LCMT1: variants seen among roughly 807,000 people sequenced by gnomAD.
LCMT1 encodes [Phosphatase 2A protein]-leucine-carboxy methyltransferase 1.
Under a neutral mutation model 47.7 loss-of-function variants are expected in LCMT1, and 32 were observed. The observed-to-expected ratio is 0.67, with a 90% CI of 0.51 to 0.90. LCMT1 has a LOEUF of 0.90. Among genes scored for constraint, LCMT1 ranks in the 40% least tolerant of loss-of-function variants. LCMT1 has a pLI of 0.00. For missense variants in LCMT1, 375 were observed against 415.2 expected, an observed-to-expected ratio of 0.90 and a Z score of 0.84; for synonymous variants, 152 against 149.7, an observed-to-expected ratio of 1.02 and a Z score of -0.11.
Position 25,111,931 on chromosome 16 carries a change from C to G in LCMT1, c.48C>G (p.Thr16=). 1 of 1,613,670 alleles carries G rather than the reference C, an allele frequency of 6.2e-7. No individual in the cohort carries two copies. Among genetic ancestry groups the G allele is most frequent in the Non-Finnish European group, 8.5e-7 (1 of 1,179,780 alleles). ...CCTCTATCACCTCCTGCTGTTCCACCTCGAGCTGCGACGCAGACGACGAGG... is the reference window on the plus strand; with the variant it reads ...CCTCTATCACCTCCTGCTGTTCCACGTCGAGCTGCGACGCAGACGACGAGG... ...RESSITSCCS[T]SSCDADDEGV... Residue 16 remains threonine, a synonymous_variant, in exon 1 of 11, where the codon ACC becomes ACG. Coordinates refer to ENST00000399069, the MANE Select transcript of LCMT1 (RefSeq NM_016309.3).
chr16:25,133,687 G>T (rs1015754579), intron 3 of LCMT1, among the ~76,000 whole-genome samples: 1 of 148,178 alleles, frequency 6.7e-6, no homozygotes, highest in Admixed American at 6.7e-5. Context: ...GTGAGCCACC[G>T]TGCCTGGCCT....
At chr16:25,135,291 A>ATATG (rs1041685564) in intron 3 of LCMT1, among the ~76,000 whole-genome samples, 13 of 122,318 alleles carry the variant, frequency 1.1e-4, no homozygotes, top group African/African-American at 3.3e-4. Context: ...TAAAATATAT[A>ATATG]TCTATATATA....
chr16:25,137,395 C>CT (rs1433446263), intron 3 of LCMT1, among the ~76,000 whole-genome samples: 1 of 152,152 alleles, frequency 6.6e-6, no homozygotes, highest in Non-Finnish European at 1.5e-5. Context: ...GGCTATACCT[C>CT]TAAGTGTGAT....
chr16:25,165,605 C>T lies in LCMT1; in HGVS notation c.690+887C>T, dbSNP rs1343213178. On this transcript the variant is annotated intron_variant, in intron 7 of 10. Transcript: ENST00000399069. ...CACTCTCGGCTCACTGCAACCTCCG[C>T]CTCCTGGGTTCAAGCGATTCTCCTG... Among the ~76,000 whole-genome samples, 58 of 151,914 alleles carry T rather than the reference C, an allele frequency of 3.8e-4. 1 individual carries two copies. Among genetic ancestry groups the T allele is most frequent in the Admixed American group, 3.8e-3 (58 of 15,266 alleles).
chr16:25,136,824 C>A (rs926119683), intron 3 of LCMT1, among the ~76,000 whole-genome samples: 1 of 152,084 alleles, frequency 6.6e-6, no homozygotes, highest in South Asian at 2.1e-4. Flanking sequence ...CAGATGTGAG[C>A]CACCGCGCCC....
At chr16:25,135,751 G>A (rs187566931) in intron 3 of LCMT1, among the ~76,000 whole-genome samples, 22 of 152,072 alleles carry the variant, frequency 1.4e-4, no homozygotes, top group South Asian at 2.1e-4. Flanking sequence ...CCATCTGCTG[G>A]CAGTGAGCAG....
intron 1 of LCMT1, among the ~76,000 whole-genome samples, chr16:25,124,765 T>C (rs1395690477): frequency 6.6e-6 from 1 of 152,218 alleles, no homozygotes; most frequent in Non-Finnish European, 1.5e-5. Context: ...TAAATGCTTC[T>C]TGAATGAAGC....
At chr16:25,160,632 C>A in intron 5 of LCMT1, 1 of 440,212 alleles carries the variant, frequency 2.3e-6, no homozygotes, top group Non-Finnish European at 4.6e-6. Flanking sequence ...TGCTTAAATG[C>A]CTAGATGGGG....
At chr16:25,137,732 C>T (rs1034389790) in intron 3 of LCMT1, among the ~76,000 whole-genome samples, 1 of 137,814 alleles carries the variant, frequency 7.3e-6, no homozygotes, top group Non-Finnish European at 1.6e-5. Context: ...GTGTGAGCCA[C>T]TGTACTTGGC....
intron 2 of LCMT1, among the ~76,000 whole-genome samples, chr16:25,129,055 T>G (rs905103753): frequency 6.7e-6 from 1 of 150,090 alleles, no homozygotes; most frequent in African/African-American, 2.4e-5. Context: ...TCAACTCCCA[T>G]TTATGAGTGA....
At chr16:25,125,109 A>T (rs1960122283) in intron 1 of LCMT1, among the ~76,000 whole-genome samples, 1 of 152,154 alleles carries the variant, frequency 6.6e-6, no homozygotes, top group Admixed American at 6.6e-5. Flanking sequence ...AATAGAAGTG[A>T]TGTTCTCTGG....
chr16:25,169,086 T>C, intron 7 of LCMT1, 26 bp from the exon 8 acceptor site: 9 of 1,496,982 alleles, frequency 6.0e-6, no homozygotes, highest in Non-Finnish European at 8.4e-6. Flanking sequence ...CTTAGAGTAA[T>C]ATCTTACCTT....
chr16:25,147,419 G>A (rs1263495452), intron 4 of LCMT1: 1 of 152,232 alleles, frequency 6.6e-6, no homozygotes, highest in African/African-American at 2.4e-5. Context: ...GGCTGTGGAG[G>A]TCCGCTTCTT....
chr16:25,155,879 G>C (rs748941704), intron 5 of LCMT1, among the ~76,000 whole-genome samples: 2 of 152,006 alleles, frequency 1.3e-5, no homozygotes, highest in Non-Finnish European at 2.9e-5. Context: ...ACAGGGTCTC[G>C]CTATGTTGCT....
intron 5 of LCMT1, among the ~76,000 whole-genome samples, chr16:25,159,476 A>C (rs1303926622): frequency 6.6e-6 from 1 of 152,186 alleles, no homozygotes; most frequent in Non-Finnish European, 1.5e-5. Context: ...TGTGTTGCCC[A>C]GGGTGGTCTT....
rs1177872054 is a variant in LCMT1, at chr16:25,133,385, GTTTTT to G, written c.327+888_327+892del. Among the ~76,000 whole-genome samples the G allele has an allele frequency of 8.7e-3, 456 of 52,570 alleles. 3 individuals carry two copies. The highest frequency in any genetic ancestry group is 0.032 in the African/African-American group (436 of 13,804). The allele number at this position is 52,570 out of a possible 152,430, so 34.5% of individuals were successfully genotyped here. On this transcript the variant is annotated intron_variant, in intron 3 of 10. Coordinates refer to ENST00000399069, the MANE Select transcript of LCMT1 (RefSeq NM_016309.3). ...TGTGGTCTTTGGCTCCTGGGCTTAG[GTTTTT>G]TTTTTTTTTTTTTTTTTTTTTTTTT...
chr16:25,164,118 G>T (rs1332183219), intron 6 of LCMT1, among the ~76,000 whole-genome samples: 2 of 152,086 alleles, frequency 1.3e-5, no homozygotes, highest in Non-Finnish European at 2.9e-5. Flanking sequence ...TCACACAGTG[G>T]TTTCAGTTTT....
chr16:25,116,356 G>A (rs555164229), intron 1 of LCMT1, among the ~76,000 whole-genome samples: 195 of 152,340 alleles, frequency 1.3e-3, no homozygotes, highest in Non-Finnish European at 2.3e-3. Flanking sequence ...CTGGTATTCC[G>A]TGGGTGGCAC....
chr16:25,117,787 G>A (rs1275449540), intron 1 of LCMT1, among the ~76,000 whole-genome samples: 1 of 151,964 alleles, frequency 6.6e-6, no homozygotes, highest in African/African-American at 2.4e-5. Flanking sequence ...GGGAAGTAGA[G>A]GTTGCAGAGT....
Sources: gnomAD v4.1 joint callset for allele counts (sites outside exome capture counted in the v4.1 genomes callset) on GRCh38, gnomAD v4.1.1 for gene constraint, MANE v1.5 for transcripts, NCBI Gene and HGNC (gene_info 2026-07-23, HGNC 2026-07-21) for gene names.